BRF1: variants seen among roughly 807,000 people sequenced by gnomAD.
The protein encoded by BRF1 is transcription factor IIIB 90 kDa subunit.
Under a neutral mutation model 81.7 loss-of-function variants are expected in BRF1, and 59 were observed. That is an observed-to-expected ratio of 0.72 (90% CI 0.59 to 0.90). The LOEUF is 0.90. Ranked by LOEUF, BRF1 falls within the 40% of genes least tolerant of loss-of-function variation. The probability of loss-of-function intolerance (pLI) is 0.00; values close to 1 mark genes in which losing one functional copy is unlikely to be tolerated. For missense variants in BRF1, 1,050 were observed against 936.3 expected (o/e 1.12, Z -1.58); for synonymous variants, 491 against 395.6 (o/e 1.24, Z -2.86).
chr14:105,283,450 C>A (rs587613701), intron 2 of BRF1, among the ~76,000 whole-genome samples: 2 of 152,234 alleles, frequency 1.3e-5, no homozygotes, highest in African/African-American at 4.8e-5. Context: ...CAGTAAGACT[C>A]AAGAGGGGTG....
At chr14:105,229,085 C>G (rs901355767) in intron 6 of BRF1, among the ~76,000 whole-genome samples, 172 bp from the exon 7 acceptor site, 1 of 152,204 alleles carries the variant, frequency 6.6e-6, no homozygotes, top group Non-Finnish European at 1.5e-5. Flanking sequence ...AACGACATGA[C>G]CCTCTCTATC....
upstream of BRF1, among the ~76,000 whole-genome samples, chr14:105,301,638 C>A (rs1027425300): frequency 6.6e-6 from 1 of 152,244 alleles, no homozygotes; most frequent in South Asian, 2.1e-4. Flanking sequence ...CAGAGCCTCC[C>A]CGTGCGCCCC....
At chr14:105,248,697 G>A in intron 5 of BRF1, 2 of 982,352 alleles carry the variant, frequency 2.0e-6, no homozygotes, top group Non-Finnish European at 2.4e-6. Context: ...GCGGGTCACA[G>A]CGCCGCCGCC....
At chr14:105,267,898 G>A (rs2056490823) in intron 3 of BRF1, among the ~76,000 whole-genome samples, 1 of 152,262 alleles carries the variant, frequency 6.6e-6, no homozygotes, top group East Asian at 1.9e-4. Context: ...TCTGCAGCCT[G>A]AGAGAGGAGC....
chr14:105,296,424 A>G (rs925106556), intron 1 of BRF1, among the ~76,000 whole-genome samples: 5 of 151,986 alleles, frequency 3.3e-5, no homozygotes, highest in African/African-American at 1.2e-4. Flanking sequence ...CAGGCAGGAG[A>G]ATGGCATGAA....
intron 1 of BRF1, among the ~76,000 whole-genome samples, chr14:105,306,811 G>A (rs2058201806): frequency 6.6e-6 from 1 of 152,034 alleles, no homozygotes; most frequent in Non-Finnish European, 1.5e-5. Context: ...CCATCATGTT[G>A]GCCAGGCTCG....
Position 105,210,794 on chromosome 14 carries a change from C to T in BRF1, c.1997-206G>A, listed in dbSNP as rs1056232580. Among the ~76,000 whole-genome samples the T allele has an allele frequency of 3.3e-5, 5 of 152,062 alleles. No homozygotes were observed. The highest frequency in any genetic ancestry group is 1.9e-4 in the East Asian group (1 of 5,188). Reference sequence around the variant, plus strand: ...CCCAGAGCAGGGCCTTGCTCCTCGTCGAGGGCACCTGAGAGCAGTGTGGGC... The same window carrying T: ...CCCAGAGCAGGGCCTTGCTCCTCGTTGAGGGCACCTGAGAGCAGTGTGGGC... On this transcript the variant is annotated intron_variant, in intron 17 of 17. Transcript: ENST00000547530. The surrounding 1 kb of genome is among the most constrained non-coding windows in gnomAD (Gnocchi z 4.7).
intron 3 of BRF1, among the ~76,000 whole-genome samples, chr14:105,263,055 A>G (rs1231014869): frequency 6.6e-6 from 1 of 151,960 alleles, no homozygotes; most frequent in Admixed American, 6.6e-5. Flanking sequence ...CCTGGCCAAT[A>G]TGGTGAAACC....
At chr14:105,272,233 C>T (rs1273030709) in intron 3 of BRF1, among the ~76,000 whole-genome samples, 1 of 146,478 alleles carries the variant, frequency 6.8e-6, no homozygotes, top group African/African-American at 2.6e-5. Flanking sequence ...ACGGTATCCA[C>T]GCACAAGGCC....
chr14:105,291,509 C>T (rs2057510066), intron 1 of BRF1, among the ~76,000 whole-genome samples: 1 of 151,868 alleles, frequency 6.6e-6, no homozygotes, highest in Admixed American at 6.6e-5. Flanking sequence ...AACCCCGTCT[C>T]TACTAAAACA....
intron 4 of BRF1, among the ~76,000 whole-genome samples, chr14:105,253,848 G>A (rs780343739): frequency 6.6e-6 from 1 of 152,230 alleles, no homozygotes; most frequent in Admixed American, 6.5e-5. Context: ...GGGTTCCAGG[G>A]ATCCCTGGGG....
chr14:105,293,006 C>G (rs2057585407), intron 1 of BRF1, among the ~76,000 whole-genome samples: 1 of 152,200 alleles, frequency 6.6e-6, no homozygotes, highest in Non-Finnish European at 1.5e-5. Flanking sequence ...GCAGCTTCCT[C>G]CCTCACCCAG....
At chr14:105,283,309 T>C (rs1595461818) in intron 2 of BRF1, among the ~76,000 whole-genome samples, 1 of 151,782 alleles carries the variant, frequency 6.6e-6, no homozygotes, top group South Asian at 2.1e-4. Flanking sequence ...GGCAGGCGGG[T>C]GGGAGAGCTC....
chr14:105,259,041 C>T (rs587704239), intron 3 of BRF1, among the ~76,000 whole-genome samples: 3 of 152,264 alleles, frequency 2.0e-5, no homozygotes, highest in East Asian at 1.9e-4. Context: ...CTGATGGAAG[C>T]GTGAAGTGGT....
intron 2 of BRF1, among the ~76,000 whole-genome samples, chr14:105,275,446 G>T (rs2056842083): frequency 6.6e-6 from 1 of 152,230 alleles, no homozygotes; most frequent in Non-Finnish European, 1.5e-5. Context: ...AGGGCATCGT[G>T]CCAGCTGCCA....
At position 105,226,712 on chromosome 14, in the gene BRF1, C is replaced by T. The variant is rs1465825363; in HGVS notation, c.837G>A (p.Glu279=). The part of the protein sequence containing the change: ...DTPTSQLTID[E]FMKIDLEEEC... ...CCTCCTCCAGGTCGATCTTCATGAA[C>T]TCATCAATGGTCAACTGACTGGTGG... The change falls in exon 8 of 18, where the codon GAG becomes GAA. Residue 279 remains glutamate, a synonymous_variant. Coordinates refer to ENST00000547530, the MANE Select transcript of BRF1 (RefSeq NM_001519.4). 1.2e-6 allele frequency: 2 copies of T among 1,613,642 alleles called. No homozygotes were observed. Among genetic ancestry groups the T allele is most frequent in the Non-Finnish European group, 1.7e-6 (2 of 1,180,040 alleles).
chr14:105,282,226 T>C (rs1302617971), intron 2 of BRF1, among the ~76,000 whole-genome samples: 1 of 152,202 alleles, frequency 6.6e-6, no homozygotes, highest in East Asian at 1.9e-4. Context: ...TCCCAGACCC[T>C]TTCTCTAAAT....
intron 1 of BRF1, among the ~76,000 whole-genome samples, chr14:105,299,029 C>T (rs1428743830): frequency 1.3e-5 from 2 of 151,684 alleles, no homozygotes; most frequent in African/African-American, 4.8e-5. Flanking sequence ...AAAAATTAGC[C>T]GGGCATGGTA....
At chr14:105,213,304 G>A (rs1890453559) in intron 15 of BRF1, 1 of 152,308 alleles carries the variant, frequency 6.6e-6, no homozygotes, top group Admixed American at 6.5e-5. Flanking sequence ...GCCTGATCTT[G>A]GCCGGTGGGA....
Sources: allele counts gnomAD v4.1 joint callset (sites outside exome capture counted in the v4.1 genomes callset), GRCh38; gene constraint gnomAD v4.1.1; non-coding constraint Gnocchi (gnomAD v3.1); transcripts MANE v1.5; gene names NCBI Gene and HGNC (gene_info 2026-07-23, HGNC 2026-07-21).